DNAAF2: variants seen among roughly 807,000 people sequenced by gnomAD.
DNAAF2 encodes the protein dynein axonemal assembly factor 2, also known as protein kintoun.
DNAAF2 carries 58 observed loss-of-function variants against 48.8 expected under a neutral mutation model. The observed-to-expected ratio is 1.19, with a 90% CI of 0.96 to 1.48. The LOEUF is 1.48. Among genes scored for constraint, DNAAF2 ranks in the 40% most tolerant of loss-of-function variants. DNAAF2 has a pLI of 0.00. For missense variants in DNAAF2, 1,241 were observed against 1,116.1 expected, an observed-to-expected ratio of 1.11 and a Z score of -1.59; for synonymous variants, 567 against 481.2, an observed-to-expected ratio of 1.18 and a Z score of -2.33.
In DNAAF2 at chr14:49,634,333, C is replaced by A. The variant is rs749366081; in HGVS notation, c.817G>T (p.Asp273Tyr). The part of the protein sequence containing the change: ...VDLQDYRCSR[D>Y]SAPSPVPHEL... Reference sequence around the variant, plus strand: ...TGGGGCACGGGGCTCGGGGCTGAGTCCCTGGAGCAGCGGTAATCCTGGAGG... The same window carrying A: ...TGGGGCACGGGGCTCGGGGCTGAGTACCTGGAGCAGCGGTAATCCTGGAGG... Residue 273 changes from aspartate (D) to tyrosine (Y), a missense_variant, in exon 1 of 3, where the codon GAC (aspartate) becomes TAC (tyrosine). Asp to Tyr is a radical substitution (Grantham distance 160). Coordinates refer to ENST00000298292, the MANE Select transcript of DNAAF2 (RefSeq NM_018139.3). 2 of 1,611,382 alleles carry A rather than the reference C, an allele frequency of 1.2e-6. No homozygotes were observed. The highest frequency in any genetic ancestry group is 4.5e-5 in the East Asian group (2 of 44,838).
chr14:49,627,464 G>T (rs1883038080), intron 2 of DNAAF2, among the ~76,000 whole-genome samples: 1 of 152,184 alleles, frequency 6.6e-6, no homozygotes, highest in African/African-American at 2.4e-5. Flanking sequence ...CTTCCTAAGT[G>T]TTAGTTTCTC....
In DNAAF2 at chr14:49,625,948, G is replaced by T; in HGVS notation, c.2108C>A (p.Thr703Asn). Residue 703 changes from threonine to asparagine, a missense_variant, in exon 3 of 3, where the codon ACC (threonine) becomes AAC (asparagine). Transcript: ENST00000298292. ...AGATGAATCAGAATCAGTTGTAGGG[G>T]TGTTACAATGTTCTATATATTCCTT... Reference protein sequence around the residue: ...TEKEYIEHCNTPTTDSDSSIA... With the variant: ...TEKEYIEHCNNPTTDSDSSIA... 1.9e-6 allele frequency: 3 copies of T among 1,612,766 alleles called. No homozygotes were observed. Among genetic ancestry groups the T allele is most frequent in the Non-Finnish European group, 2.5e-6 (3 of 1,179,556 alleles).
In DNAAF2 at chr14:49,633,979, CG is replaced by C; in HGVS notation, c.1170del (p.Ala391ArgfsTer50). 1 of 1,525,180 alleles carries C rather than the reference CG, an allele frequency of 6.6e-7. No individual in the cohort carries two copies. The highest frequency in any genetic ancestry group is 1.2e-5 in the South Asian group (1 of 82,638). The allele number at this position is 1,525,180 out of a possible 1,614,324, so 94.5% of individuals were successfully genotyped here. On this transcript the variant is annotated frameshift_variant, in exon 1 of 3. Coordinates refer to ENST00000298292, the MANE Select transcript of DNAAF2 (RefSeq NM_018139.3). LOFTEE classifies it high-confidence loss of function. Reference sequence around the variant, plus strand: ...CCTCCGTCCTCCGCGCGACTCCTCGCGGGTCCCGCCTCCCCCTCGCGAGCGG... The same window carrying C: ...CCTCCGTCCTCCGCGCGACTCCTCGCGGTCCCGCCTCCCCCTCGCGAGCGG... ...CASAREGEAG[P>X]ARSRAEDGGH...
At chr14:49,629,522 G>A (rs1055394311) in intron 1 of DNAAF2, 2 of 152,124 alleles carry the variant, frequency 1.3e-5, no homozygotes, top group Admixed American at 6.5e-5. Flanking sequence ...GCCAAGGTGG[G>A]TGGATCACTT....
At chr14:49,629,303 G>A (rs1883092007) in intron 1 of DNAAF2, 1 of 150,934 alleles carries the variant, frequency 6.6e-6, no homozygotes, top group South Asian at 2.1e-4. Flanking sequence ...CCTTGAGACA[G>A]GGTCTCACTT....
At chr14:49,626,579 CTGA>C (rs1230483610) in intron 2 of DNAAF2, among the ~76,000 whole-genome samples, 1 of 151,068 alleles carries the variant, frequency 6.6e-6, no homozygotes, top group African/African-American at 2.4e-5. Context: ...ACAATCTCAG[CTGA>C]CTACAACCTC....
rs530058959 is a variant in DNAAF2, at chr14:49,634,554, G to C, written c.596C>G (p.Ala199Gly). The stretch of plus-strand genomic sequence containing the variant: ...CCCGGGCAGGGGCGTGCGCAGCACC[G>C]CAGCCTCTGGGGTCCCCTTATACTT... ...KAKYKGTPEAAVLRTPLPGVI... is the reference protein window; with the variant it reads ...KAKYKGTPEAGVLRTPLPGVI... The change falls in exon 1 of 3, where the codon GCG becomes GGG. Residue 199 changes from alanine (A) to glycine (G), a missense_variant. Transcript: ENST00000298292. 1.2e-6 allele frequency: 2 copies of C among 1,603,410 alleles called. No homozygotes were observed. Among genetic ancestry groups the C allele is most frequent in the African/African-American group, 2.7e-5 (2 of 74,910 alleles).
Position 49,633,753 on chromosome 14 carries a change from C to G in DNAAF2, c.1397G>C (p.Gly466Ala). 4 of 1,591,078 alleles carry G rather than the reference C, an allele frequency of 2.5e-6. No homozygotes were observed. In the Middle Eastern group the frequency reaches 6.7e-4, roughly 267 times the overall value. ...PGGENSPGGG[G>A]SPCLSSRSLA... The stretch of plus-strand genomic sequence containing the variant: ...GCTCCGGGAGGACAAACAAGGGGAG[C>G]CTCCGCCACCAGGTGAGTTTTCTCC... Residue 466 changes from glycine (G) to alanine (A), a missense_variant, in exon 1 of 3, where the codon GGC (glycine) becomes GCC (alanine). Coordinates refer to ENST00000298292, the MANE Select transcript of DNAAF2 (RefSeq NM_018139.3).
At chr14:49,630,232 C>G (rs1883117178) in intron 1 of DNAAF2, among the ~76,000 whole-genome samples, 1 of 73,588 alleles carries the variant, frequency 1.4e-5, no homozygotes, top group African/African-American at 3.9e-5. Context: ...GACTCTGTCT[C>G]CCAAATAAAT....
chr14:49,630,268 G>C (rs1374491842), intron 1 of DNAAF2, among the ~76,000 whole-genome samples: 2 of 128,260 alleles, frequency 1.6e-5, no homozygotes, highest in Non-Finnish European at 3.5e-5. Flanking sequence ...TAATGAGGTA[G>C]ATTTCAAGAT....
Position 49,628,003 on chromosome 14 carries a change from C to CT in DNAAF2, c.2007+8dup, listed in dbSNP as rs1306764578. The CT allele has an allele frequency of 6.4e-7, 1 of 1,560,112 alleles. No individual in the cohort carries two copies. The highest frequency in any genetic ancestry group is 2.0e-5 in the Admixed American group (1 of 51,250). ...ATTACTCCTCTATAGAGCCCATCAA[C>CT]TTCCTTACCTTTGCATTAATTTGAA... On this transcript the variant is annotated intron_variant, in intron 2 of 2. Transcript: ENST00000298292.
At chr14:49,629,069 C>A (rs1883086074) in intron 1 of DNAAF2, among the ~76,000 whole-genome samples, 1 of 151,954 alleles carries the variant, frequency 6.6e-6, no homozygotes. Context: ...CTCAAGTGAT[C>A]CTCCCGCCTC....
rs748292394 is a variant in DNAAF2, at chr14:49,625,645, A to C, written c.2411T>G (p.Ile804Arg). 1.2e-6 allele frequency: 2 copies of C among 1,613,738 alleles called. No individual in the cohort carries two copies. The highest frequency in any genetic ancestry group is 2.2e-5 in the South Asian group (2 of 91,070). The part of the protein sequence containing the change: ...TVHNIPGFDS[I>R]KETNMQDGSV... Reference sequence around the variant, plus strand: ...ACCATCCTGCATATTGGTTTCTTTTATGCTGTCGAATCCAGGTATATTGTG... The same window carrying C: ...ACCATCCTGCATATTGGTTTCTTTTCTGCTGTCGAATCCAGGTATATTGTG... Residue 804 changes from isoleucine (I) to arginine (R), a missense_variant, in exon 3 of 3, where the codon ATA becomes AGA. Ile to Arg is a moderately conservative substitution (Grantham distance 97). Transcript: ENST00000298292.
Position 49,628,170 on chromosome 14 carries a change from G to A in DNAAF2, c.1864-15C>T, listed in dbSNP as rs765407908. 5 of 1,559,346 alleles carry A rather than the reference G, an allele frequency of 3.2e-6. No individual in the cohort carries two copies. The highest frequency in any genetic ancestry group is 2.0e-5 in the Admixed American group (1 of 51,084). ...AATAACCTTTCCTAAAATAAAAAGG[G>A]AAAAAATATTCTGCCTAATAAGTCC... is the stretch of plus-strand genomic sequence containing the variant. On this transcript the variant is annotated splice_polypyrimidine_tract_variant and intron_variant, in intron 1 of 2. Transcript: ENST00000298292.
chr14:49,633,289 C>A lies in DNAAF2; in HGVS notation c.1861G>T (p.Glu621Ter). The change falls in exon 1 of 3, where the codon GAG becomes TAG. Residue 621 changes from glutamate (E) to a stop codon, truncating the protein, a stop_gained and splice_region_variant. Transcript: ENST00000298292. LOFTEE classifies it high-confidence loss of function. Reference protein sequence around the residue: ...WYYGVNNDSLEERLFVNEENV... With the variant: ...WYYGVNNDSL ...AGGACTCTGGAAAGAACTGTTACCT[C>A]CAAAGAATCGTTGTTTACACCATAA... 1 of 1,612,752 alleles carries A rather than the reference C, an allele frequency of 6.2e-7. No individual in the cohort carries two copies. Among genetic ancestry groups the A allele is most frequent in the Non-Finnish European group, 8.5e-7 (1 of 1,178,938 alleles).
In DNAAF2 at chr14:49,634,937, G is replaced by T; in HGVS notation, c.213C>A (p.His71Gln). 1 of 1,555,500 alleles carries T rather than the reference G, an allele frequency of 6.4e-7. No homozygotes were observed. Among genetic ancestry groups the T allele is most frequent in the South Asian group, 1.2e-5 (1 of 84,618 alleles). The change falls in exon 1 of 3, where the codon CAC becomes CAA. Residue 71 changes from histidine to glutamine, a missense_variant. Transcript: ENST00000298292. ...RERGVEVRFV[H>Q]PEPGHVLRTS... ...TGCGCAGCACATGGCCGGGCTCCGG[G>T]TGCACGAACCGCACTTCCACCCCGC...
Position 49,634,034 on chromosome 14 carries a change from C to G in DNAAF2, c.1116G>C (p.Arg372=), listed in dbSNP as rs536029634. 3.4e-5 allele frequency: 51 copies of G among 1,521,014 alleles called. No homozygotes were observed. The East Asian group carries it at 1.1e-3, about 33-fold the overall frequency. 94.2% of individuals were successfully genotyped at this position (1,521,014 alleles called of 1,614,324 possible). The change falls in exon 1 of 3, where the codon CGG becomes CGC. Residue 372 remains arginine, a synonymous_variant. Transcript: ENST00000298292. ...AAAAPEESAD[R]SGTDGQACAS... ...CGCAGGCCTGGCCGTCAGTTCCGGA[C>G]CGGTCCGCGGACTCTTCCGGCGCGG...
In DNAAF2 at chr14:49,625,637, T is replaced by G; in HGVS notation, c.2419A>C (p.Thr807Pro). Residue 807 changes from threonine (T) to proline (P), a missense_variant, in exon 3 of 3, where the codon ACC becomes CCC. Physicochemically the swap from Thr to Pro is conservative, Grantham distance 38 (BLOSUM62 -1). Coordinates refer to ENST00000298292, the MANE Select transcript of DNAAF2 (RefSeq NM_018139.3). The part of the protein sequence containing the change: ...NIPGFDSIKE[T>P]NMQDGSVQVI... ...TGCACACTACCATCCTGCATATTGG[T>G]TTCTTTTATGCTGTCGAATCCAGGT... 3 of 1,613,734 alleles carry G rather than the reference T, an allele frequency of 1.9e-6. No homozygotes were observed. The highest frequency in any genetic ancestry group is 1.7e-6 in the Non-Finnish European group (2 of 1,179,760).
At chr14:49,628,928 T>TA (rs1425369521) in intron 1 of DNAAF2, among the ~76,000 whole-genome samples, 1 of 152,180 alleles carries the variant, frequency 6.6e-6, no homozygotes, top group Non-Finnish European at 1.5e-5. Context: ...AAGAGCCAAT[T>TA]ACAGTATTTT....
Sources: gnomAD v4.1 joint callset for allele counts (sites outside exome capture counted in the v4.1 genomes callset) on GRCh38, gnomAD v4.1.1 for gene constraint, MANE v1.5 for transcripts, NCBI Gene and HGNC (gene_info 2026-07-23, HGNC 2026-07-21) for gene names.